Variants in GLIS3 observed in about 807,000 individuals in gnomAD.
GLIS3 encodes the protein GLIS family zinc finger 3, also known as zinc finger protein GLIS3.
GLIS3 carries 53 observed loss-of-function variants against 78.6 expected under a neutral mutation model. The ratio of observed to expected loss-of-function variants is 0.67; its 90% confidence interval spans 0.54 to 0.85. The LOEUF is 0.85. GLIS3 is among the 40% of genes least tolerant of loss of function. The probability of loss-of-function intolerance (pLI) is 0.00; values close to 1 mark genes in which losing one functional copy is unlikely to be tolerated. For synonymous variants in GLIS3, 684 were observed against 509.9 expected (o/e 1.34, Z -4.60); for missense variants, 1,703 against 1,231.1 (o/e 1.38, Z -5.74).
intron 2 of GLIS3, among the ~76,000 whole-genome samples, chr9:4,186,827 C>T (rs1375968710): frequency 6.6e-6 from 1 of 152,134 alleles, no homozygotes; most frequent in Non-Finnish European, 1.5e-5. Context: ...ATATCCATTG[C>T]CCACTTTTTG....
intron 2 of GLIS3, among the ~76,000 whole-genome samples, chr9:4,274,704 A>G (rs570896286): frequency 6.6e-6 from 1 of 152,322 alleles, no homozygotes; most frequent in South Asian, 2.1e-4. Flanking sequence ...CTAAACCCTA[A>G]GCACAGGGCA....
intron 4 of GLIS3, among the ~76,000 whole-genome samples, chr9:4,011,323 G>C (rs1821987081): frequency 6.6e-6 from 1 of 152,210 alleles, no homozygotes; most frequent in African/African-American, 2.4e-5. Context: ...GTAAGAAGCA[G>C]AGTCTCTGTC....
intron 1 of GLIS3, among the ~76,000 whole-genome samples, chr9:4,292,883 GAA>G (rs1173940575): frequency 1.3e-5 from 2 of 152,170 alleles, no homozygotes; most frequent in Non-Finnish European, 2.9e-5. Flanking sequence ...ATCAGATTCT[GAA>G]AAGAGGAATT....
At chr9:3,927,305 G>C (rs1196229850) in intron 6 of GLIS3, among the ~76,000 whole-genome samples, 1 of 152,162 alleles carries the variant, frequency 6.6e-6, no homozygotes, top group East Asian at 1.9e-4. Context: ...GAGATCTCTG[G>C]AGAAAAACAA....
rs1820110936 is a variant in GLIS3 at position 3,860,281 on chromosome 9, A to AC, written c.2298-4098_2298-4097insG. Among the ~76,000 whole-genome samples, 356 of 97,716 alleles carry AC rather than the reference A, an allele frequency of 3.6e-3. 9 individuals carry two copies. Among genetic ancestry groups the AC allele is most frequent in the African/African-American group, 0.01 (346 of 33,568 alleles). 64.1% of individuals were successfully genotyped at this position (97,716 alleles called of 152,430 possible). On this transcript the variant is annotated intron_variant, in intron 8 of 10. Coordinates refer to ENST00000381971, the MANE Select transcript of GLIS3 (RefSeq NM_001042413.2). ...CAGAGCAAGACTCTGTCAAAAAAAA[A>AC]AAAAAAAAAAAAAAAAAAAAAACCT... is the stretch of plus-strand genomic sequence containing the variant.
At chr9:4,217,255 G>C (rs1820936162) in intron 2 of GLIS3, among the ~76,000 whole-genome samples, 1 of 152,202 alleles carries the variant, frequency 6.6e-6, no homozygotes, top group Non-Finnish European at 1.5e-5. Flanking sequence ...GGGTATGCAT[G>C]TGCACTCATT....
At chr9:3,932,723 C>A in intron 5 of GLIS3, 1 of 456,370 alleles carries the variant, frequency 2.2e-6, no homozygotes, top group Non-Finnish European at 4.1e-6. Flanking sequence ...TTAGTGTGTG[C>A]TCTAACCACA....
intron 2 of GLIS3, among the ~76,000 whole-genome samples, chr9:4,346,042 TAC>T (rs1435324996): frequency 6.6e-6 from 1 of 152,182 alleles, no homozygotes; most frequent in East Asian, 1.9e-4. Context: ...AAAAAATAAA[TAC>T]AGACACAGAA....
intron 9 of GLIS3, among the ~76,000 whole-genome samples, chr9:3,849,103 A>G (rs1263380918): frequency 6.6e-6 from 1 of 152,198 alleles, no homozygotes; most frequent in African/African-American, 2.4e-5. Context: ...GATGACAGAA[A>G]TCTCTGTGTT....
At chr9:3,972,281 A>T (rs1017880401) in intron 4 of GLIS3, among the ~76,000 whole-genome samples, 2 of 152,168 alleles carry the variant, frequency 1.3e-5, no homozygotes, top group African/African-American at 4.8e-5. Flanking sequence ...TGTGCATATG[A>T]CAAATCATCC....
chr9:3,987,703 A>G (rs1819857365), intron 4 of GLIS3, among the ~76,000 whole-genome samples: 1 of 149,602 alleles, frequency 6.7e-6, no homozygotes. Flanking sequence ...GTTTAAAAAA[A>G]AAAAAGAAAA....
intron 2 of GLIS3, among the ~76,000 whole-genome samples, chr9:4,253,940 C>T (rs755500906): frequency 6.6e-6 from 1 of 152,196 alleles, no homozygotes; most frequent in Non-Finnish European, 1.5e-5. Flanking sequence ...GCTGCACTCA[C>T]TGTCTAACCA....
Position 4,118,141 on chromosome 9 carries a change from G to T in GLIS3, c.1337C>A (p.Ala446Glu). Residue 446 changes from alanine to glutamate, a missense_variant, in exon 4 of 11, where the codon GCG becomes GAG. Physicochemically the swap from Ala to Glu is moderately radical, Grantham distance 107. Coordinates refer to ENST00000381971, the MANE Select transcript of GLIS3 (RefSeq NM_001042413.2). This position sits in a 1 kb window ranked among gnomAD's most constrained non-coding sequence, Gnocchi z 4.7. ...CGGCGGCAGAGGAGGGAGCGGAGGC[G>T]CGGGGGGTAGGTCTACGGTGCTGCC... ...FPGSTVDLPP[A>E]PPLPPLPPPP... 1 of 1,550,608 alleles carries T rather than the reference G, an allele frequency of 6.4e-7. No individual in the cohort carries two copies.
chr9:4,418,096 A>G, the GLIS3 span, among the ~76,000 whole-genome samples: 2 of 152,234 alleles, frequency 1.3e-5, no homozygotes. Flanking sequence ...TGCCTAATTG[A>G]GAAACACTGG....
chr9:4,393,958 T>C, the GLIS3 span, among the ~76,000 whole-genome samples: 1 of 152,124 alleles, frequency 6.6e-6, no homozygotes, highest in East Asian at 1.9e-4. Flanking sequence ...TTTATTACCC[T>C]AATTACAGAA....
chr9:4,445,120 T>A, the GLIS3 span, among the ~76,000 whole-genome samples: 1 of 152,170 alleles, frequency 6.6e-6, no homozygotes, highest in African/African-American at 2.4e-5. Context: ...AGTGGTGCAA[T>A]GAGGTGTGGG....
chr9:4,243,926 A>G (rs907450524), intron 2 of GLIS3, among the ~76,000 whole-genome samples: 3 of 152,230 alleles, frequency 2.0e-5, no homozygotes, highest in Admixed American at 6.5e-5. Context: ...CAGGGTCTAC[A>G]TGACTATTCC....
chr9:4,185,577 G>A (rs1355441368), intron 2 of GLIS3, among the ~76,000 whole-genome samples: 1 of 152,112 alleles, frequency 6.6e-6, no homozygotes, highest in Non-Finnish European at 1.5e-5. Flanking sequence ...TGTCCCATAA[G>A]GAAGCAGATG....
intron 4 of GLIS3, among the ~76,000 whole-genome samples, chr9:4,114,243 C>A (rs1459522257): frequency 6.6e-6 from 1 of 152,172 alleles, no homozygotes; most frequent in Non-Finnish European, 1.5e-5. Flanking sequence ...CACCGTTACC[C>A]AACCATTGCA....
Sources: gnomAD v4.1 joint callset for allele counts (sites outside exome capture counted in the v4.1 genomes callset) on GRCh38, gnomAD v4.1.1 for gene constraint, Gnocchi (gnomAD v3.1) non-coding constraint, MANE v1.5 for transcripts, NCBI Gene and HGNC (gene_info 2026-07-23, HGNC 2026-07-21) for gene names.